Variants in CNTN5 observed in about 807,000 individuals in gnomAD.
CNTN5 encodes the protein contactin 5.
A neutral mutation model predicts 129.1 loss-of-function variants in CNTN5; 77 were observed. The ratio of observed to expected loss-of-function variants is 0.60; its 90% CI spans 0.50 to 0.72. CNTN5 has a LOEUF of 0.72. CNTN5 is among the 30% of genes least tolerant of loss of function. CNTN5 has a pLI of 0.00. For missense variants in CNTN5, 1,478 were observed against 1,328.8 expected, an observed-to-expected ratio of 1.11 and a Z score of -1.75; for synonymous variants, 509 against 465.6, an observed-to-expected ratio of 1.09 and a Z score of -1.20.
intron 3 of CNTN5, among the ~76,000 whole-genome samples, chr11:99,676,002 T>C (rs1953266026): frequency 6.6e-6 from 1 of 152,192 alleles, no homozygotes; most frequent in Non-Finnish European, 1.5e-5. Flanking sequence ...ATCTCAGAAC[T>C]CTGAGAGTGT....
chr11:99,284,146 T>G (rs897916207), intron 1 of CNTN5, among the ~76,000 whole-genome samples: 7 of 152,108 alleles, frequency 4.6e-5, no homozygotes, highest in Non-Finnish European at 8.8e-5. Context: ...GTGGAGTGCT[T>G]AACACCAGGC....
At chr11:99,190,006 C>G (rs1192037826) in intron 1 of CNTN5, among the ~76,000 whole-genome samples, 2 of 151,446 alleles carry the variant, frequency 1.3e-5, no homozygotes, top group Admixed American at 1.3e-4. Flanking sequence ...AAACTTTTCC[C>G]TGTATTTTTC....
At chr11:99,784,124 A>T (rs1460471631) in intron 3 of CNTN5, among the ~76,000 whole-genome samples, 3 of 151,854 alleles carry the variant, frequency 2.0e-5, no homozygotes, top group Non-Finnish European at 2.9e-5. Flanking sequence ...GAAAGTCATC[A>T]GTCAACCCAG....
At chr11:100,299,518 A>T in intron 20 of CNTN5, 122 bp downstream of exon 20, 1 of 573,050 alleles carries the variant, frequency 1.7e-6, no homozygotes, top group Non-Finnish European at 2.8e-6. Flanking sequence ...TCATAATCTC[A>T]CTAAACTTTT....
At chr11:99,805,372 G>C (rs1946237276) in intron 3 of CNTN5, among the ~76,000 whole-genome samples, 2 of 152,272 alleles carry the variant, frequency 1.3e-5, no homozygotes, top group East Asian at 3.9e-4. Flanking sequence ...GGTCAGAGGA[G>C]AGATCTGAGC....
intron 1 of CNTN5, among the ~76,000 whole-genome samples, chr11:99,152,433 A>C (rs913464969): frequency 6.6e-6 from 1 of 152,078 alleles, no homozygotes; most frequent in Non-Finnish European, 1.5e-5. Flanking sequence ...TGTTGATTTC[A>C]AGCCTGTTTT....
chr11:99,820,984 T>C (rs1946783491), intron 4 of CNTN5, among the ~76,000 whole-genome samples: 1 of 152,244 alleles, frequency 6.6e-6, no homozygotes, highest in Non-Finnish European at 1.5e-5. Context: ...TCTCGTAGTG[T>C]TGGCATCTAA....
chr11:99,237,048 G>A (rs539649136), intron 1 of CNTN5, among the ~76,000 whole-genome samples: 4 of 151,616 alleles, frequency 2.6e-5, no homozygotes, highest in Admixed American at 6.6e-5. Flanking sequence ...ATATAGAAAA[G>A]TTTTGTTTAT....
chr11:99,582,336 G>T lies in CNTN5; in HGVS notation c.55+26067G>T, dbSNP rs558807543. Among the ~76,000 whole-genome samples, 111 of 152,224 alleles carry T rather than the reference G, an allele frequency of 7.3e-4. No individual in the cohort carries two copies. The South Asian group carries it at 0.023, about 31-fold the overall frequency. ...TGCTCTTCTCGAGGAGTATCTTTGT[G>T]CCATTCTCTTTATTTCCTGAATTTG... On this transcript the variant is annotated intron_variant, in intron 3 of 24. Transcript: ENST00000524871.
rs146845481 is a variant in CNTN5 at position 99,913,659 on chromosome 11, T to C, written c.578-2395T>C. The stretch of plus-strand genomic sequence containing the variant: ...CAAAACACAATTTAGGTCATAGTTA[T>C]TCTATAATTTTCTTTTCTTTGTGTG... On this transcript the variant is annotated intron_variant, in intron 6 of 24. Transcript: ENST00000524871. Among the ~76,000 whole-genome samples, 90 of 152,182 alleles carry C rather than the reference T, an allele frequency of 5.9e-4. 1 individual carries two copies. The highest frequency in any genetic ancestry group is 4.1e-3 in the South Asian group (20 of 4,828).
chr11:100,065,360 A>G (rs1167957988), intron 10 of CNTN5, among the ~76,000 whole-genome samples: 1 of 152,060 alleles, frequency 6.6e-6, no homozygotes, highest in Non-Finnish European at 1.5e-5. Flanking sequence ...CTATACTGTT[A>G]TAAAGATGAA....
chr11:99,285,892 G>A lies in CNTN5; in HGVS notation c.-209-39454G>A, dbSNP rs139326422. 1.2e-3 allele frequency among the ~76,000 whole-genome samples: 186 copies of A among 152,038 alleles called. 2 individuals carry two copies. In the East Asian group the frequency reaches 0.033, roughly 27 times the overall value. ...GTTTCTACTAAAAATACAAAAATTA[G>A]CCAGGTGTGGTGGTGGGCACCTGTA... On this transcript the variant is annotated intron_variant, in intron 1 of 24. Coordinates refer to ENST00000524871, the MANE Select transcript of CNTN5 (RefSeq NM_014361.4).
intron 2 of CNTN5, among the ~76,000 whole-genome samples, chr11:99,382,431 T>C (rs553710330): frequency 3.3e-5 from 5 of 152,144 alleles, no homozygotes; most frequent in African/African-American, 1.2e-4. Context: ...GCCTTTGTTG[T>C]TAAATAAAGA....
intron 9 of CNTN5, among the ~76,000 whole-genome samples, chr11:100,039,567 C>T (rs765081641): frequency 1.3e-5 from 2 of 152,178 alleles, no homozygotes; most frequent in Admixed American, 6.5e-5. Context: ...AGAGTGTTTT[C>T]CACCTTGGTT....
At chr11:100,175,401 G>A (rs1466108413) in intron 13 of CNTN5, among the ~76,000 whole-genome samples, 1 of 152,018 alleles carries the variant, frequency 6.6e-6, no homozygotes, top group Non-Finnish European at 1.5e-5. Context: ...AAATGTTATC[G>A]AAGTAAATTA....
At chr11:99,296,529 C>T (rs1336664443) in intron 1 of CNTN5, among the ~76,000 whole-genome samples, 1 of 152,200 alleles carries the variant, frequency 6.6e-6, no homozygotes, top group Non-Finnish European at 1.5e-5. Flanking sequence ...AAAGCATGCA[C>T]TGCAAATGAC....
At chr11:99,644,553 G>C (rs1464073342) in intron 3 of CNTN5, among the ~76,000 whole-genome samples, 1 of 152,064 alleles carries the variant, frequency 6.6e-6, no homozygotes, top group African/African-American at 2.4e-5. Flanking sequence ...TTTTTTCACA[G>C]ATTCCCATCA....
intron 1 of CNTN5, among the ~76,000 whole-genome samples, chr11:99,047,056 T>C (rs1227342993): frequency 2.0e-5 from 3 of 152,016 alleles, no homozygotes; most frequent in African/African-American, 7.2e-5. Flanking sequence ...GCTGTGTCCA[T>C]CTATCTTTTT....
At chr11:99,068,141 T>C (rs1865180681) in intron 1 of CNTN5, among the ~76,000 whole-genome samples, 1 of 152,174 alleles carries the variant, frequency 6.6e-6, no homozygotes, top group African/African-American at 2.4e-5. Flanking sequence ...CTCTTTTCTT[T>C]ATGAATTACC....
Sources: gnomAD v4.1 joint callset for allele counts (sites outside exome capture counted in the v4.1 genomes callset) on GRCh38, gnomAD v4.1.1 for gene constraint, MANE v1.5 for transcripts, NCBI Gene and HGNC (gene_info 2026-07-23, HGNC 2026-07-21) for gene names.